MLEC: variants seen among roughly 807,000 people sequenced by gnomAD.
MLEC encodes the protein oligosaccharyltransferase complex subunit (non-catalytic).
In MLEC, 7 loss-of-function variants were observed where a neutral mutation model predicts 28.7. That is an observed-to-expected ratio of 0.24 (90% CI 0.14 to 0.46). The LOEUF is 0.46. Ranked by LOEUF, MLEC falls within the 20% of genes least tolerant of loss-of-function variation. MLEC has a pLI of 0.99. For synonymous variants in MLEC, 142 were observed against 164.4 expected (o/e 0.86, Z 1.04); for missense variants, 237 against 391.1 (o/e 0.61, Z 3.32).
At chr12:120,695,039 TA>T (rs1455841132) in intron 3 of MLEC, 39 bp downstream of exon 3, 4 of 1,614,036 alleles carry the variant, frequency 2.5e-6, no homozygotes, top group Non-Finnish European at 3.4e-6. Flanking sequence ...AGAGAGTGGG[TA>T]CAGGGGAAGT....
rs1426006552 is a variant in MLEC, at chr12:120,695,276, G to A, written c.649+124G>A. On this transcript the variant is annotated intron_variant, in intron 4 of 4. Transcript: ENST00000228506. ...TTAAAGCTAAATTGTAGGGGATTCA[G>A]AATCAGTTGGATAAGGATGAAGCAT... 3 of 1,028,322 alleles carry A rather than the reference G, an allele frequency of 2.9e-6. No individual in the cohort carries two copies. In the African/African-American group the frequency reaches 4.7e-5, roughly 16 times the overall value. 63.7% of individuals were successfully genotyped at this position (1,028,322 alleles called of 1,614,324 possible).
rs1376259438 is a variant in MLEC at position 120,697,049 on chromosome 12, TA to T, written c.*514del. 8.1e-5 allele frequency: 12 copies of T among 148,468 alleles called. No individual in the cohort carries two copies. Among genetic ancestry groups the T allele is most frequent in the Middle Eastern group, 6.8e-3 (2 of 292 alleles). 9.2% of individuals were successfully genotyped at this position (148,468 alleles called of 1,614,324 possible). On this transcript the variant is annotated 3_prime_UTR_variant, in exon 5 of 5. Coordinates refer to ENST00000228506, the MANE Select transcript of MLEC (RefSeq NM_014730.4). This position sits in a 1 kb window ranked among gnomAD's most constrained non-coding sequence, Gnocchi z 4.8. ...GGGTAGAATTTGTGCGGTAAAGACT[TA>T]AAAAAAAAAGTAGGGAGATTAAAAA...
chr12:120,696,362 G>A lies in MLEC; in HGVS notation c.696G>A (p.Glu232=), dbSNP rs1566014661. The change falls in exon 5 of 5, where the codon GAG becomes GAA. Residue 232 remains glutamate (E), a synonymous_variant. Transcript: ENST00000228506. The surrounding 1 kb of genome is among the most constrained non-coding windows in gnomAD (Gnocchi z 5.4). The part of the protein sequence containing the change: ...QPHPGLEKKE[E]EEEEEEYDEG... Reference sequence around the variant, plus strand: ...ATCCGGGATTGGAGAAGAAAGAAGAGGAAGAAGAAGAAGAAGAATATGATG... The same window carrying A: ...ATCCGGGATTGGAGAAGAAAGAAGAAGAAGAAGAAGAAGAAGAATATGATG... 3 of 1,613,912 alleles carry A rather than the reference G, an allele frequency of 1.9e-6. No individual in the cohort carries two copies. Among genetic ancestry groups the A allele is most frequent in the Admixed American group, 1.7e-5 (1 of 59,996 alleles).
rs559187661 is a variant in MLEC at position 120,701,858 on chromosome 12, C to T, written c.*5313C>T. On this transcript the variant is annotated 3_prime_UTR_variant, in exon 5 of 5. Transcript: ENST00000228506. The surrounding 1 kb of genome is among the most constrained non-coding windows in gnomAD (Gnocchi z 4.0). ...TGTTTTAATAAACAATTTGCAGTGA[C>T]ACTCTGTGTTGGGACTGAGTTCGAA... is the stretch of plus-strand genomic sequence containing the variant. The T allele has an allele frequency of 3.9e-5, 6 of 152,756 alleles. No individual in the cohort carries two copies. The highest frequency in any genetic ancestry group is 1.4e-4 in the African/African-American group (6 of 41,570). 9.5% of individuals were successfully genotyped at this position (152,756 alleles called of 1,614,324 possible). A position where few individuals can be genotyped will look rare whatever the true frequency, so the allele number is the denominator to read the frequency against.
At chr12:120,690,669 A>G (rs570061298) in intron 1 of MLEC, among the ~76,000 whole-genome samples, 1 of 152,158 alleles carries the variant, frequency 6.6e-6, no homozygotes, top group Non-Finnish European at 1.5e-5. Flanking sequence ...TTGGTTGGGG[A>G]CCAGAGCCTA....
chr12:120,695,317 A>G (rs780066299), intron 4 of MLEC, among the ~76,000 whole-genome samples, 165 bp downstream of exon 4: 13 of 152,236 alleles, frequency 8.5e-5, no homozygotes, highest in Non-Finnish European at 1.5e-4. Flanking sequence ...GGTACTAGCC[A>G]CAAGCTTTGG....
chr12:120,689,204 G>GGTGT (rs63092860), intron 1 of MLEC, among the ~76,000 whole-genome samples: 1,755 of 149,074 alleles, frequency 0.012, 22 homozygotes, highest in African/African-American at 0.035. Flanking sequence ...TGATGCAGGT[G>GGTGT]GTGTGTGTGT....
At chr12:120,695,512 GA>G (rs1566014411) in intron 4 of MLEC, among the ~76,000 whole-genome samples, 1 of 152,020 alleles carries the variant, frequency 6.6e-6, no homozygotes, top group Non-Finnish European at 1.5e-5. Flanking sequence ...TTTCCTAGGG[GA>G]AAAAAAGGTA....
In MLEC at chr12:120,687,603, G is replaced by A; in HGVS notation, c.235+72G>A. On this transcript the variant is annotated intron_variant, in intron 1 of 4. Transcript: ENST00000228506. This position sits in a 1 kb window ranked among gnomAD's most constrained non-coding sequence, Gnocchi z 8.1. ...GGGCGCAGCCGGCCGGGGGCTGCGGGCCCCGAGCCCCTTTCGACCCTGGGG... is the reference window on the plus strand; with the variant it reads ...GGGCGCAGCCGGCCGGGGGCTGCGGACCCCGAGCCCCTTTCGACCCTGGGG... The A allele has an allele frequency of 8.1e-7, 1 of 1,230,434 alleles. No homozygotes were observed. Among genetic ancestry groups the A allele is most frequent in the South Asian group, 1.8e-5 (1 of 55,152 alleles). The allele number at this position is 1,230,434 out of a possible 1,614,324, so 76.2% of individuals were successfully genotyped here. A position where few individuals can be genotyped will look rare whatever the true frequency, so the allele number is the denominator to read the frequency against.
intron 1 of MLEC, among the ~76,000 whole-genome samples, chr12:120,691,979 T>G (rs530567303): frequency 6.6e-6 from 1 of 151,974 alleles, no homozygotes; most frequent in Non-Finnish European, 1.5e-5. Context: ...GCTAACATAG[T>G]GAAAGCCCGT....
chr12:120,696,407 A>T lies in MLEC; in HGVS notation c.741A>T (p.Lys247Asn). The T allele has an allele frequency of 6.2e-7, 1 of 1,614,200 alleles. No individual in the cohort carries two copies. The highest frequency in any genetic ancestry group is 8.5e-7 in the Non-Finnish European group (1 of 1,180,026). The change falls in exon 5 of 5, where the codon AAA (lysine) becomes AAT (asparagine). Residue 247 changes from lysine to asparagine, a missense_variant. By Grantham distance (94) the Lys-to-Asn change is moderately conservative. Coordinates refer to ENST00000228506, the MANE Select transcript of MLEC (RefSeq NM_014730.4). This position sits in a 1 kb window ranked among gnomAD's most constrained non-coding sequence, Gnocchi z 5.4. ...EEYDEGSNLK[K>N]QTNKNRVQSG... ...ATGATGAAGGGTCTAATCTCAAAAA[A>T]CAGACCAATAAGAACCGGGTGCAGT...
At position 120,696,159 on chromosome 12, in the gene MLEC, G is replaced by C. The variant is rs1244758914; in HGVS notation, c.650-157G>C. 5.9e-5 allele frequency among the ~76,000 whole-genome samples: 9 copies of C among 152,166 alleles called. No individual in the cohort carries two copies. Among genetic ancestry groups the C allele is most frequent in the African/African-American group, 2.2e-4 (9 of 41,424 alleles). On this transcript the variant is annotated intron_variant, in intron 4 of 4. Coordinates refer to ENST00000228506, the MANE Select transcript of MLEC (RefSeq NM_014730.4). The surrounding 1 kb of genome is among the most constrained non-coding windows in gnomAD (Gnocchi z 5.4). ...TCTAAAGCTTTTGCAGCACTCTGCT[G>C]TTCTGTAGACCAGAGGCTATTTCTG...
At position 120,701,396 on chromosome 12, in the gene MLEC, C is replaced by G. The variant is rs1882442113; in HGVS notation, c.*4851C>G. The G allele has an allele frequency of 6.6e-6, 1 of 152,628 alleles. No individual in the cohort carries two copies. The allele number at this position is 152,628 out of a possible 1,614,324, so 9.5% of individuals were successfully genotyped here. A position where few individuals can be genotyped will look rare whatever the true frequency, so the allele number is the denominator to read the frequency against. Reference sequence around the variant, plus strand: ...TGGACTTAAGGAATCTTACCTTTTCCTTCCACAAAGTTCTCCCAGGCAAGG... The same window carrying G: ...TGGACTTAAGGAATCTTACCTTTTCGTTCCACAAAGTTCTCCCAGGCAAGG... On this transcript the variant is annotated 3_prime_UTR_variant, in exon 5 of 5. Coordinates refer to ENST00000228506, the MANE Select transcript of MLEC (RefSeq NM_014730.4). This position sits in a 1 kb window ranked among gnomAD's most constrained non-coding sequence, Gnocchi z 4.0.
Position 120,696,772 on chromosome 12 carries a change from C to T in MLEC, c.*227C>T. ...TCGTCCTCTCTTTGTGGCTGGCTCC[C>T]AGCCTTCTCTTTCCTCTTGAGGATA... On this transcript the variant is annotated 3_prime_UTR_variant, in exon 5 of 5. Coordinates refer to ENST00000228506, the MANE Select transcript of MLEC (RefSeq NM_014730.4). The surrounding 1 kb of genome is among the most constrained non-coding windows in gnomAD (Gnocchi z 5.4). 3.3e-6 allele frequency: 2 copies of T among 600,250 alleles called. No individual in the cohort carries two copies. The highest frequency in any genetic ancestry group is 5.7e-6 in the Non-Finnish European group (2 of 350,258). The allele number at this position is 600,250 out of a possible 1,614,324, so 37.2% of individuals were successfully genotyped here.
rs1942895308 is a variant in MLEC at position 120,694,854 on chromosome 12, G to A, written c.445G>A (p.Val149Met). 1.9e-6 allele frequency: 3 copies of A among 1,613,540 alleles called. No individual in the cohort carries two copies. Among genetic ancestry groups the A allele is most frequent in the South Asian group, 1.1e-5 (1 of 90,992 alleles). ...VFDVRLNGHVVVKDLDIFDRV... is the reference protein window; with the variant it reads ...VFDVRLNGHVMVKDLDIFDRV... ...TGATGTACGATTGAATGGCCACGTCGTGGTGAAGGACTTGGATATCTTTGA... is the reference window on the plus strand; with the variant it reads ...TGATGTACGATTGAATGGCCACGTCATGGTGAAGGACTTGGATATCTTTGA... The change falls in exon 3 of 5, where the codon GTG (valine) becomes ATG (methionine). Residue 149 changes from valine (V) to methionine (M), a missense_variant. Val to Met is a conservative substitution (Grantham distance 21). Transcript: ENST00000228506. The surrounding 1 kb of genome is among the most constrained non-coding windows in gnomAD (Gnocchi z 4.5).
rs1882130967 is a variant in MLEC at position 120,694,028 on chromosome 12, G to C, written c.236-63G>C. On this transcript the variant is annotated intron_variant, in intron 1 of 4. Transcript: ENST00000228506. This position sits in a 1 kb window ranked among gnomAD's most constrained non-coding sequence, Gnocchi z 4.5. ...CCTGGAAATGCCTCTGGCTGTTCTG[G>C]GGTCTTTGCTTTTCTTTTGTGTCTT... The C allele has an allele frequency of 6.7e-7, 1 of 1,491,534 alleles. No individual in the cohort carries two copies. The allele number at this position is 1,491,534 out of a possible 1,614,324, so 92.4% of individuals were successfully genotyped here.
Position 120,697,160 on chromosome 12 carries a change from T to C in MLEC, c.*615T>C, listed in dbSNP as rs143616762. 21 of 153,008 alleles carry C rather than the reference T, an allele frequency of 1.4e-4. No homozygotes were observed. Among genetic ancestry groups the C allele is most frequent in the African/African-American group, 4.8e-4 (20 of 41,578 alleles). 9.5% of individuals were successfully genotyped at this position (153,008 alleles called of 1,614,324 possible). On this transcript the variant is annotated 3_prime_UTR_variant, in exon 5 of 5. Transcript: ENST00000228506. The surrounding 1 kb of genome is among the most constrained non-coding windows in gnomAD (Gnocchi z 4.8). ...CACCTTTAGTGTTTGAGCTTTGTCA[T>C]TGCTTGTCTCCCTGGCATGTGCCAG...
chr12:120,691,071 G>C (rs1469015627), intron 1 of MLEC, among the ~76,000 whole-genome samples: 1 of 152,214 alleles, frequency 6.6e-6, no homozygotes, highest in Non-Finnish European at 1.5e-5. Flanking sequence ...AGAGCACCAA[G>C]GGGGGCTTTA....
At position 120,700,028 on chromosome 12, in the gene MLEC, A is replaced by G. The variant is rs575032079; in HGVS notation, c.*3483A>G. On this transcript the variant is annotated 3_prime_UTR_variant, in exon 5 of 5. Coordinates refer to ENST00000228506, the MANE Select transcript of MLEC (RefSeq NM_014730.4). The surrounding 1 kb of genome is among the most constrained non-coding windows in gnomAD (Gnocchi z 4.0). ...GATATGGTTTCTAAAATCTCAGCTG[A>G]GAACTTCAGAAAACAGCAGCAGTAT... 1 of 152,758 alleles carries G rather than the reference A, an allele frequency of 6.5e-6. No homozygotes were observed. Among genetic ancestry groups the G allele is most frequent in the East Asian group, 1.9e-4 (1 of 5,176 alleles). 9.5% of individuals were successfully genotyped at this position (152,758 alleles called of 1,614,324 possible).
Sources: gnomAD v4.1 joint callset for allele counts (sites outside exome capture counted in the v4.1 genomes callset) on GRCh38, gnomAD v4.1.1 for gene constraint, Gnocchi (gnomAD v3.1) non-coding constraint, MANE v1.5 for transcripts, NCBI Gene and HGNC (gene_info 2026-07-23, HGNC 2026-07-21) for gene names.